MLIP: variants seen among roughly 807,000 people sequenced by gnomAD.
MLIP encodes the protein muscular LMNA interacting protein.
A neutral mutation model predicts 84.8 loss-of-function variants in MLIP; 79 were observed. That is an observed-to-expected ratio of 0.93 (90% CI 0.78 to 1.12). MLIP has a LOEUF of 1.12. Among genes scored for constraint, MLIP ranks in the 50% most tolerant of loss-of-function variants. The pLI is 0.00. For synonymous variants in MLIP, 504 were observed against 463.0 expected, an observed-to-expected ratio of 1.09 and a Z score of -1.14; for missense variants, 1,257 against 1,160.6, an observed-to-expected ratio of 1.08 and a Z score of -1.21.
At chr6:54,053,218 G>C (rs937485811) in intron 1 of MLIP, among the ~76,000 whole-genome samples, 1 of 152,096 alleles carries the variant, frequency 6.6e-6, no homozygotes, top group Non-Finnish European at 1.5e-5. Flanking sequence ...GTTTTGTACT[G>C]GGTTGAACCA....
chr6:54,082,986 T>A (rs1269437984), intron 1 of MLIP, among the ~76,000 whole-genome samples: 1 of 152,182 alleles, frequency 6.6e-6, no homozygotes, highest in Middle Eastern at 3.2e-3. Flanking sequence ...TTTGTCTATC[T>A]GTTTTTCTCA....
intron 10 of MLIP, among the ~76,000 whole-genome samples, chr6:54,200,552 A>C (rs991666229): frequency 1.3e-5 from 2 of 151,590 alleles, no homozygotes; most frequent in African/African-American, 4.9e-5. Context: ...CATGGCCCAG[A>C]TATCAGGCAT....
intron 4 of MLIP, among the ~76,000 whole-genome samples, chr6:54,147,101 A>G (rs1052391219): frequency 6.6e-6 from 1 of 152,166 alleles, no homozygotes; most frequent in Non-Finnish European, 1.5e-5. Context: ...TATGATTGCA[A>G]CTATAACTAC....
intron 1 of MLIP, chr6:54,057,942 C>A (rs1391950430): frequency 6.6e-6 from 1 of 152,112 alleles, no homozygotes; most frequent in East Asian, 1.9e-4. Context: ...AGAAGAAAAT[C>A]TGACCTGTAA....
chr6:54,259,879 T>C (rs886747356), intron 13 of MLIP, among the ~76,000 whole-genome samples: 1 of 151,914 alleles, frequency 6.6e-6, no homozygotes, highest in African/African-American at 2.4e-5. Flanking sequence ...GACCAATATA[T>C]TTCCCCCAAA....
Position 54,102,702 on chromosome 6 carries a change from A to C in MLIP, c.64-18745A>C, listed in dbSNP as rs9474737. Among the ~76,000 whole-genome samples the C allele has an allele frequency of 8.7e-3, 1,322 of 152,232 alleles. 23 individuals are homozygous for C. The highest frequency in any genetic ancestry group is 0.031 in the African/African-American group (1,275 of 41,542). On this transcript the variant is annotated intron_variant, in intron 1 of 12. Transcript: ENST00000274897. ...TACATCTAGCATAAAGCATGCAACC[A>C]TTTACTTAAGAAATGTGTATTGACC...
chr6:54,227,711 A>G (rs1780675659), intron 11 of MLIP, among the ~76,000 whole-genome samples: 1 of 152,244 alleles, frequency 6.6e-6, no homozygotes. Flanking sequence ...GAAAGAAATT[A>G]TTTTCCAACC....
intron 3 of MLIP, among the ~76,000 whole-genome samples, chr6:54,129,316 T>C (rs1771186131): frequency 6.6e-6 from 1 of 152,154 alleles, no homozygotes; most frequent in South Asian, 2.1e-4. Context: ...CCTGAACCCC[T>C]TGAACTTGAC....
intron 4 of MLIP, among the ~76,000 whole-genome samples, chr6:54,143,796 C>A (rs1454862960): frequency 6.6e-6 from 1 of 152,022 alleles, no homozygotes; most frequent in Non-Finnish European, 1.5e-5. Context: ...TATTTCAAGT[C>A]AACAAATATT....
At chr6:54,195,726 G>A (rs1247196536) in intron 10 of MLIP, among the ~76,000 whole-genome samples, 1 of 151,984 alleles carries the variant, frequency 6.6e-6, no homozygotes, top group Non-Finnish European at 1.5e-5. Flanking sequence ...TGGGCTTCGG[G>A]GAGCCCATAT....
intron 3 of MLIP, among the ~76,000 whole-genome samples, chr6:54,125,813 G>C (rs1025123979): frequency 1.3e-5 from 2 of 152,080 alleles, no homozygotes; most frequent in African/African-American, 4.8e-5. Context: ...ATTTTTACTG[G>C]CGTGTTGGTC....
chr6:54,237,032 A>T (rs960474712), intron 12 of MLIP, among the ~76,000 whole-genome samples: 1 of 152,052 alleles, frequency 6.6e-6, no homozygotes, highest in Non-Finnish European at 1.5e-5. Context: ...ACTGCTGTGA[A>T]TAATCAATAA....
At position 54,263,074 on chromosome 6, in the gene MLIP, G is replaced by A. The variant is rs59638825; in HGVS notation, c.2977-2876G>A. On this transcript the variant is annotated intron_variant, in intron 13 of 13. Coordinates refer to ENST00000502396, the MANE Select transcript of MLIP (RefSeq NM_001281747.2). ...TTAAAGTTGGGTTTGATATTGTAGTGAGTCATTGTCAAGTTGAGCAGAAGT... is the reference window on the plus strand; with the variant it reads ...TTAAAGTTGGGTTTGATATTGTAGTAAGTCATTGTCAAGTTGAGCAGAAGT... 7.9e-5 allele frequency among the ~76,000 whole-genome samples: 12 copies of A among 152,176 alleles called. No homozygotes were observed. In the East Asian group the frequency reaches 2.1e-3, roughly 27 times the overall value.
chr6:54,239,381 T>TAA (rs1781577725), intron 12 of MLIP, among the ~76,000 whole-genome samples: 1 of 147,164 alleles, frequency 6.8e-6, no homozygotes, highest in Non-Finnish European at 1.5e-5. Context: ...TATATATATA[T>TAA]AATATATATA....
chr6:54,111,689 A>G (rs1412395661), intron 1 of MLIP, 114 bp downstream of exon 1: 2 of 1,077,984 alleles, frequency 1.9e-6, no homozygotes, highest in African/African-American at 1.6e-5. Flanking sequence ...ATAAATTTGT[A>G]TGTATATTGA....
chr6:54,137,700 C>T lies in MLIP; in HGVS notation c.1631C>T (p.Thr544Ile). 4 of 1,536,104 alleles carry T rather than the reference C, an allele frequency of 2.6e-6. No individual in the cohort carries two copies. The highest frequency in any genetic ancestry group is 3.5e-6 in the Non-Finnish European group (4 of 1,146,892). ...NTMLSLLQTS[T>I]SSSVGLPPVP... ...ATGCTCTCCCTGCTACAAACCAGTA[C>T]ATCCAGTTCTGTGGGTCTTCCTCCT... Residue 544 changes from threonine to isoleucine, a missense_variant, in exon 4 of 14, where the codon ACA becomes ATA. Coordinates refer to ENST00000502396, the MANE Select transcript of MLIP (RefSeq NM_001281747.2).
At chr6:54,242,729 A>C (rs1009074037) in intron 12 of MLIP, among the ~76,000 whole-genome samples, 1 of 152,154 alleles carries the variant, frequency 6.6e-6, no homozygotes, top group Non-Finnish European at 1.5e-5. Flanking sequence ...ATCTTTTATG[A>C]GTATATGTTA....
chr6:54,264,291 G>A (rs1009678503), intron 13 of MLIP, among the ~76,000 whole-genome samples: 2 of 151,864 alleles, frequency 1.3e-5, no homozygotes, highest in African/African-American at 4.8e-5. Flanking sequence ...CATCATATAT[G>A]CTCATATATC....
At chr6:54,074,053 T>C (rs1004738687) in intron 1 of MLIP, among the ~76,000 whole-genome samples, 1 of 152,230 alleles carries the variant, frequency 6.6e-6, no homozygotes, top group Non-Finnish European at 1.5e-5. Flanking sequence ...TTACAGTGAT[T>C]TCTTTTGCTT....
Sources: allele counts gnomAD v4.1 joint callset (sites outside exome capture counted in the v4.1 genomes callset), GRCh38; gene constraint gnomAD v4.1.1; transcripts MANE v1.5; gene names NCBI Gene and HGNC (gene_info 2026-07-23, HGNC 2026-07-21).